The following IL20RB variants were observed in gnomAD, a reference collection of about 807,000 sequenced individuals.
IL20RB encodes the protein interleukin 20 receptor subunit beta, also known as interleukin-20 receptor subunit beta.
Under a neutral mutation model 33.3 loss-of-function variants are expected in IL20RB, and 21 were observed. The observed-to-expected ratio is 0.63, with a 90% confidence interval of 0.45 to 0.91. The LOEUF (loss-of-function observed/expected upper bound fraction) is 0.91. Among genes scored for constraint, IL20RB ranks in the 40% least tolerant of loss-of-function variants. IL20RB has a pLI of 0.00. For synonymous variants in IL20RB, 147 were observed against 146.8 expected (o/e 1.00, Z -0.01); for missense variants, 345 against 384.8 (o/e 0.90, Z 0.86).
Position 136,995,691 on chromosome 3 carries a change from AC to A in IL20RB, c.825+136del, listed in dbSNP as rs1267218418. ...ATCTGCACAGAGAGGGGAGAGGAAT[AC>A]TTATAAAATACTTCATTTCTAACTA... On this transcript the variant is annotated intron_variant, in intron 6 of 6. Coordinates refer to ENST00000329582, the MANE Select transcript of IL20RB (RefSeq NM_144717.4). The A allele has an allele frequency of 2.2e-5, 18 of 814,936 alleles. No individual in the cohort carries two copies. In the East Asian group the frequency reaches 4.4e-4, roughly 20 times the overall value. The allele number at this position is 814,936 out of a possible 1,614,324, so 50.5% of individuals were successfully genotyped here. A position where few individuals can be genotyped will look rare whatever the true frequency, so the allele number is the denominator to read the frequency against.
At chr3:137,004,019 T>TCA (rs1165802698) in intron 6 of IL20RB, among the ~76,000 whole-genome samples, 3 of 152,180 alleles carry the variant, frequency 2.0e-5, no homozygotes, top group African/African-American at 7.2e-5. Flanking sequence ...ATTGAGATAA[T>TCA]GGTGTGGTTT....
intron 4 of IL20RB, among the ~76,000 whole-genome samples, chr3:136,990,701 G>A (rs920982665): frequency 1.4e-4 from 22 of 152,202 alleles, no homozygotes; most frequent in African/African-American, 4.8e-4. Context: ...TCAGGCCAAG[G>A]GTACCCTTGA....
chr3:136,991,897 AC>A, intron 4 of IL20RB, 40 bp from the exon 5 acceptor site: 3 of 1,603,090 alleles, frequency 1.9e-6, no homozygotes, highest in Non-Finnish European at 2.6e-6. Flanking sequence ...GGCGTGAGCC[AC>A]CGCACTTGGC....
At chr3:137,007,836 G>C (rs1222522836) in intron 6 of IL20RB, among the ~76,000 whole-genome samples, 1 of 152,160 alleles carries the variant, frequency 6.6e-6, no homozygotes, top group Non-Finnish European at 1.5e-5. Context: ...AGGTACCTCA[G>C]TTGGAAATGC....
chr3:136,986,224 TAAA>T (rs1306486235), intron 3 of IL20RB, among the ~76,000 whole-genome samples: 2 of 98,508 alleles, frequency 2.0e-5, no homozygotes, highest in Non-Finnish European at 4.1e-5. Flanking sequence ...AATAAATAAA[TAAA>T]TAAATAAATA....
intron 6 of IL20RB, among the ~76,000 whole-genome samples, chr3:137,000,979 A>G (rs2107718387): frequency 6.6e-6 from 1 of 152,318 alleles, no homozygotes; most frequent in South Asian, 2.1e-4. Context: ...AGTGAGGAAC[A>G]GGGTAAAGAG....
chr3:136,969,715 C>A (rs985238817), intron 1 of IL20RB, among the ~76,000 whole-genome samples: 1 of 152,164 alleles, frequency 6.6e-6, no homozygotes, highest in African/African-American at 2.4e-5. Context: ...TGTTCCTATT[C>A]GGCCATCTTG....
chr3:136,996,614 C>G (rs759657752), intron 6 of IL20RB, among the ~76,000 whole-genome samples: 15 of 152,172 alleles, frequency 9.9e-5, no homozygotes, highest in Non-Finnish European at 2.1e-4. Context: ...GGACACCCCT[C>G]CACTCTGTTA....
chr3:137,009,773 C>T (rs1036088657), intron 6 of IL20RB, among the ~76,000 whole-genome samples: 10 of 152,060 alleles, frequency 6.6e-5, no homozygotes, highest in Non-Finnish European at 1.2e-4. Context: ...TGGGCTCAAG[C>T]GATCTGCCTG....
rs1214294463 is a variant in IL20RB at position 136,980,534 on chromosome 3, A to T, written c.157A>T (p.Met53Leu). ...CTCAACCAACATGAAGCATCTCTTG[A>T]TGTGGAGCCCAGTGATCGCGCCTGG... ...VLSTNMKHLLMWSPVIAPGET... is the reference protein window; with the variant it reads ...VLSTNMKHLLLWSPVIAPGET... Residue 53 changes from methionine (M) to leucine (L), a missense_variant, in exon 2 of 7, where the codon ATG becomes TTG. Met to Leu is a conservative substitution (Grantham distance 15, BLOSUM62 2). Coordinates refer to ENST00000329582, the MANE Select transcript of IL20RB (RefSeq NM_144717.4). The T allele has an allele frequency of 1.9e-6, 3 of 1,614,056 alleles. No individual in the cohort carries two copies. Among genetic ancestry groups the T allele is most frequent in the Non-Finnish European group, 2.5e-6 (3 of 1,180,032 alleles).
At chr3:136,997,935 T>A (rs1942163327) in intron 6 of IL20RB, among the ~76,000 whole-genome samples, 1 of 152,014 alleles carries the variant, frequency 6.6e-6, no homozygotes, top group African/African-American at 2.4e-5. Flanking sequence ...CACACCCGGC[T>A]AATTTTTGTA....
chr3:136,975,057 C>T (rs900294247), intron 1 of IL20RB, among the ~76,000 whole-genome samples: 1 of 152,016 alleles, frequency 6.6e-6, no homozygotes, highest in African/African-American at 2.4e-5. Context: ...TCTTGTATCC[C>T]ACTGAGCTTC....
At chr3:136,978,731 T>C (rs917597255) in intron 1 of IL20RB, among the ~76,000 whole-genome samples, 5 of 152,276 alleles carry the variant, frequency 3.3e-5, no homozygotes, top group African/African-American at 1.2e-4. Flanking sequence ...TTTTATGTAG[T>C]TTATGTATAT....
At chr3:136,981,265 T>TTTAAATTAAA (rs3054095) in intron 2 of IL20RB, among the ~76,000 whole-genome samples, 93,350 of 146,244 alleles carry the variant, frequency 0.64, 30,384 homozygotes, top group African/African-American at 0.66. Context: ...GCTATTTAAA[T>TTTAAATTAAA]TTAAATTAAA....
chr3:136,999,469 G>T (rs1274488176), intron 6 of IL20RB, among the ~76,000 whole-genome samples: 3 of 151,846 alleles, frequency 2.0e-5, no homozygotes, highest in Non-Finnish European at 4.4e-5. Flanking sequence ...GAACTCCTGG[G>T]CTCAAGTGAT....
At chr3:137,008,644 C>T (rs1408793281) in intron 6 of IL20RB, among the ~76,000 whole-genome samples, 1 of 152,002 alleles carries the variant, frequency 6.6e-6, no homozygotes, top group Non-Finnish European at 1.5e-5. Context: ...ACAGTAGCCA[C>T]TAGTCATATC....
chr3:136,958,644 T>C (rs189216280), intron 1 of IL20RB, among the ~76,000 whole-genome samples: 103 of 152,272 alleles, frequency 6.8e-4, no homozygotes, highest in Admixed American at 1.9e-3. Context: ...CTTATAAAAA[T>C]TGGATTTCTC....
intron 2 of IL20RB, chr3:136,981,937 C>G: frequency 2.8e-6 from 1 of 360,700 alleles, no homozygotes; most frequent in Non-Finnish European, 5.0e-6. Flanking sequence ...TAAAAGAGAT[C>G]CAGACACATT....
intron 6 of IL20RB, among the ~76,000 whole-genome samples, chr3:137,004,738 T>C (rs1942318522): frequency 6.6e-6 from 1 of 152,230 alleles, no homozygotes; most frequent in South Asian, 2.1e-4. Context: ...ATTTATTTTT[T>C]GACGGGTTTT....
Sources: gnomAD v4.1 joint callset for allele counts (sites outside exome capture counted in the v4.1 genomes callset) on GRCh38, gnomAD v4.1.1 for gene constraint, MANE v1.5 for transcripts, NCBI Gene and HGNC (gene_info 2026-07-23, HGNC 2026-07-21) for gene names.